The following AGBL4 variants were observed in gnomAD, a reference collection of about 807,000 sequenced individuals.
AGBL4 encodes AGBL carboxypeptidase 4.
In AGBL4, 58 loss-of-function variants were observed where a neutral mutation model predicts 66.4. That is an observed-to-expected ratio of 0.87 (90% CI 0.71 to 1.09). AGBL4 has a LOEUF of 1.09. Among genes scored for constraint, AGBL4 ranks in the 50% least tolerant of loss-of-function variants. The pLI is 0.00. For synonymous variants in AGBL4, 234 were observed against 222.9 expected (o/e 1.05, Z -0.44); for missense variants, 579 against 631.0 (o/e 0.92, Z 0.88).
chr1:49,310,974 T>G (rs1414079787), intron 3 of AGBL4, among the ~76,000 whole-genome samples: 1 of 152,012 alleles, frequency 6.6e-6, no homozygotes, highest in Non-Finnish European at 1.5e-5. Flanking sequence ...TCCAAAATCT[T>G]CATCATCAAC....
rs184418064 is a variant in AGBL4, at chr1:48,542,345, G to A, written c.1268-2607C>T. Among the ~76,000 whole-genome samples the A allele has an allele frequency of 7.4e-4, 113 of 152,238 alleles. 1 individual carries two copies. Among genetic ancestry groups the A allele is most frequent in the African/African-American group, 2.3e-3 (96 of 41,556 alleles). ...ATAGTAGAATGATTTATAATCCTTT[G>A]GGTATAAACCCAGTAATGCGATTGC... On this transcript the variant is annotated intron_variant, in intron 11 of 13. Transcript: ENST00000371839.
At chr1:48,638,392 T>C (rs1478590127) in intron 8 of AGBL4, among the ~76,000 whole-genome samples, 1 of 152,224 alleles carries the variant, frequency 6.6e-6, no homozygotes, top group Non-Finnish European at 1.5e-5. Flanking sequence ...GCTTCTGTTT[T>C]ATCATATGTA....
intron 2 of AGBL4, among the ~76,000 whole-genome samples, chr1:49,825,964 A>T (rs1469341215): frequency 6.6e-6 from 1 of 152,126 alleles, no homozygotes; most frequent in African/African-American, 2.4e-5. Flanking sequence ...AAAAAAAAAC[A>T]AAACTTACAA....
At chr1:49,423,466 A>G (rs1373845045) in intron 3 of AGBL4, among the ~76,000 whole-genome samples, 1 of 152,184 alleles carries the variant, frequency 6.6e-6, no homozygotes, top group Non-Finnish European at 1.5e-5. Flanking sequence ...GTGAGGACCC[A>G]GAATTTCACA....
intron 6 of AGBL4, chr1:48,758,878 G>A (rs1464381324): frequency 1.3e-6 from 2 of 1,487,656 alleles, no homozygotes. Context: ...TGGAGTGGTA[G>A]GTGACCTGCT....
At chr1:49,336,160 C>T (rs551990498) in intron 3 of AGBL4, among the ~76,000 whole-genome samples, 4 of 152,192 alleles carry the variant, frequency 2.6e-5, no homozygotes, top group Admixed American at 2.6e-4. Context: ...ATCAGGAAAG[C>T]CTATGGTGTA....
chr1:49,549,294 C>G (rs1278232984), intron 3 of AGBL4, among the ~76,000 whole-genome samples: 2 of 148,622 alleles, frequency 1.3e-5, no homozygotes, highest in Admixed American at 6.7e-5. Flanking sequence ...CTGCCCTGAT[C>G]TTGGTTATTT....
intron 3 of AGBL4, among the ~76,000 whole-genome samples, chr1:49,381,884 A>C (rs1238095310): frequency 2.0e-5 from 3 of 151,730 alleles, no homozygotes; most frequent in Non-Finnish European, 4.4e-5. Flanking sequence ...TTTAGGATAT[A>C]TACCTAATGC....
chr1:49,943,508 C>A (rs1285492432), intron 1 of AGBL4, among the ~76,000 whole-genome samples: 1 of 152,042 alleles, frequency 6.6e-6, no homozygotes, highest in Non-Finnish European at 1.5e-5. Context: ...TGAACACACA[C>A]CCTGACTGGG....
At chr1:49,639,532 A>G (rs1325437125) in intron 3 of AGBL4, among the ~76,000 whole-genome samples, 1 of 152,214 alleles carries the variant, frequency 6.6e-6, no homozygotes, top group African/African-American at 2.4e-5. Context: ...CATATAGTTA[A>G]TAAGTGGTAG....
At chr1:49,084,745 A>C (rs1272877093) in intron 4 of AGBL4, among the ~76,000 whole-genome samples, 2 of 152,154 alleles carry the variant, frequency 1.3e-5, no homozygotes, top group Non-Finnish European at 2.9e-5. Context: ...CTCCTGCAGC[A>C]TTCAGACTCT....
intron 5 of AGBL4, among the ~76,000 whole-genome samples, chr1:48,990,542 C>A (rs566311224): frequency 1.3e-5 from 2 of 151,982 alleles, no homozygotes; most frequent in African/African-American, 2.4e-5. Flanking sequence ...AGTCTGTAAC[C>A]CACTTAAATT....
At chr1:49,918,587 ATAAT>A (rs1190916145) in intron 1 of AGBL4, among the ~76,000 whole-genome samples, 5 of 151,694 alleles carry the variant, frequency 3.3e-5, no homozygotes, top group Non-Finnish European at 5.9e-5. Flanking sequence ...AATTGAGACA[ATAAT>A]TAATAGCCTA....
intron 3 of AGBL4, among the ~76,000 whole-genome samples, chr1:49,301,104 A>G (rs1468644710): frequency 6.6e-6 from 1 of 152,238 alleles, no homozygotes; most frequent in East Asian, 1.9e-4. Context: ...AGAAAGGTCC[A>G]TAAATGACCT....
At chr1:49,493,037 C>A (rs1647235671) in intron 3 of AGBL4, among the ~76,000 whole-genome samples, 1 of 151,896 alleles carries the variant, frequency 6.6e-6, no homozygotes, top group Non-Finnish European at 1.5e-5. Context: ...CTTATAACAC[C>A]ATCCGATCTC....
chr1:49,033,109 C>A (rs1664358686), intron 5 of AGBL4, among the ~76,000 whole-genome samples: 1 of 152,068 alleles, frequency 6.6e-6, no homozygotes, highest in Non-Finnish European at 1.5e-5. Context: ...AACTGGAAGA[C>A]CCTCAGCTAG....
At chr1:48,698,645 G>C (rs1646752420) in intron 6 of AGBL4, among the ~76,000 whole-genome samples, 1 of 152,184 alleles carries the variant, frequency 6.6e-6, no homozygotes, top group Non-Finnish European at 1.5e-5. Context: ...GGAGACCAAG[G>C]CTCATACAGG....
chr1:48,619,925 G>C (rs138728174), intron 9 of AGBL4, among the ~76,000 whole-genome samples: 1 of 152,228 alleles, frequency 6.6e-6, no homozygotes, highest in South Asian at 2.1e-4. Context: ...CTAGAGTATC[G>C]CATTTACTGA....
chr1:48,961,890 C>T lies in AGBL4; in HGVS notation c.594+83694G>A, dbSNP rs370838024. On this transcript the variant is annotated intron_variant, in intron 5 of 13. Coordinates refer to ENST00000371839, the MANE Select transcript of AGBL4 (RefSeq NM_032785.4). ...TACAAGCTCCTCACATCCAGGTCCA[C>T]AGCGGGGAAAGTACAGTCCTTTCAA... 4.6e-4 allele frequency among the ~76,000 whole-genome samples: 70 copies of T among 152,314 alleles called. 1 individual carries two copies. In the South Asian group the frequency reaches 9.5e-3, roughly 21 times the overall value.
Sources: gnomAD v4.1 joint callset for allele counts (sites outside exome capture counted in the v4.1 genomes callset) on GRCh38, gnomAD v4.1.1 for gene constraint, MANE v1.5 for transcripts, NCBI Gene and HGNC (gene_info 2026-07-23, HGNC 2026-07-21) for gene names.